LETM1: variants seen among roughly 807,000 people sequenced by gnomAD.
LETM1 encodes mitochondrial proton/calcium exchanger protein.
In LETM1, 50 loss-of-function variants were observed where a neutral mutation model predicts 74.5. That is an observed-to-expected ratio of 0.67 (90% CI 0.53 to 0.85). The LOEUF is 0.85. Among genes scored for constraint, LETM1 ranks in the 40% least tolerant of loss-of-function variants. LETM1 has a pLI of 0.00. For missense variants in LETM1, 824 were observed against 967.8 expected (o/e 0.85, Z 1.97); for synonymous variants, 446 against 407.1 (o/e 1.10, Z -1.15).
intron 10 of LETM1, among the ~76,000 whole-genome samples, chr4:1,820,457 T>C (rs994149382): frequency 2.3e-4 from 35 of 152,188 alleles, no homozygotes; most frequent in African/African-American, 8.2e-4. Flanking sequence ...TATGGTTTTG[T>C]TTTCTGTATT....
intron 2 of LETM1, 112 bp downstream of exon 2, chr4:1,849,037 G>C (rs1238255049): frequency 2.7e-6 from 2 of 743,296 alleles, no homozygotes; most frequent in East Asian, 5.1e-5. Flanking sequence ...ACAAAGAACA[G>C]GAAAGTAGGA....
chr4:1,836,522 G>C lies in LETM1; in HGVS notation c.645C>G (p.Phe215Leu), dbSNP rs753201496. 1 of 1,613,828 alleles carries C rather than the reference G, an allele frequency of 6.2e-7. No individual in the cohort carries two copies. The highest frequency in any genetic ancestry group is 1.7e-5 in the Admixed American group (1 of 59,996). Reference protein sequence around the residue: ...DLFRLVPFLVFVVVPFMEFLL... With the variant: ...DLFRLVPFLVLVVVPFMEFLL... ...GAAACTCCATGAACGGCACCACCAC[G>C]AACACAAGGAACGGCACCAGGCGGA... The change falls in exon 4 of 14, where the codon TTC becomes TTG. Residue 215 changes from phenylalanine (F) to leucine (L), a missense_variant. Coordinates refer to ENST00000302787, the MANE Select transcript of LETM1 (RefSeq NM_012318.3). The surrounding 1 kb of genome is among the most constrained non-coding windows in gnomAD (Gnocchi z 5.8).
rs1285378456 is a variant in LETM1 at position 1,813,354 on chromosome 4, G to A, written c.*1070C>T. On this transcript the variant is annotated 3_prime_UTR_variant, in exon 14 of 14. Coordinates refer to ENST00000302787, the MANE Select transcript of LETM1 (RefSeq NM_012318.3). ...TTAAAAAGATGAGTGTGACACAGCC[G>A]GCTGGGCAGGAGGATGGAGGTGCCA... is the stretch of plus-strand genomic sequence containing the variant. 2.0e-5 allele frequency: 3 copies of A among 152,354 alleles called. No individual in the cohort carries two copies. The highest frequency in any genetic ancestry group is 6.5e-5 in the Admixed American group (1 of 15,286). 9.4% of individuals were successfully genotyped at this position (152,354 alleles called of 1,614,324 possible). A position where few individuals can be genotyped will look rare whatever the true frequency, so the allele number is the denominator to read the frequency against.
At position 1,819,538 on chromosome 4, in the gene LETM1, A is replaced by T; in HGVS notation, c.1609-66T>A. On this transcript the variant is annotated intron_variant, in intron 10 of 13. Transcript: ENST00000302787. ...GAAAGAACTGGCCTGTTCCCAAGTG[A>T]CCAGCTGCTCTGTTCATATTATACG... 4 of 1,541,654 alleles carry T rather than the reference A, an allele frequency of 2.6e-6. No individual in the cohort carries two copies. The South Asian group carries it at 5.0e-5, about 19-fold the overall frequency.
At position 1,814,012 on chromosome 4, in the gene LETM1, C is replaced by T; in HGVS notation, c.*412G>A. The T allele has an allele frequency of 4.5e-6, 1 of 220,262 alleles. No homozygotes were observed. Among genetic ancestry groups the T allele is most frequent in the Non-Finnish European group, 9.2e-6 (1 of 108,702 alleles). 13.6% of individuals were successfully genotyped at this position (220,262 alleles called of 1,614,324 possible). On this transcript the variant is annotated 3_prime_UTR_variant, in exon 14 of 14. Transcript: ENST00000302787. ...CCCTGAGGAGGCCAGGCTGTGTCTC[C>T]TGACGCCCCTGAGGGTGGGCACAGC...
chr4:1,840,158 A>G (rs1220277809), intron 3 of LETM1, among the ~76,000 whole-genome samples: 2 of 152,220 alleles, frequency 1.3e-5, no homozygotes, highest in South Asian at 2.1e-4. Context: ...CAGGTGGATC[A>G]CTTGAGGCCA....
intron 1 of LETM1, among the ~76,000 whole-genome samples, chr4:1,852,813 C>A (rs1011261710): frequency 3.3e-5 from 5 of 152,212 alleles, no homozygotes; most frequent in Non-Finnish European, 7.3e-5. Flanking sequence ...AGCTACTGCA[C>A]TCCAGCCTGG....
intron 2 of LETM1, among the ~76,000 whole-genome samples, chr4:1,842,399 C>T (rs528878534): frequency 2.6e-5 from 4 of 152,308 alleles, no homozygotes; most frequent in Admixed American, 2.0e-4. Flanking sequence ...CCACTCTGTC[C>T]GGCACCAGCA....
chr4:1,846,266 G>A (rs1166559441), intron 2 of LETM1, among the ~76,000 whole-genome samples: 3 of 151,984 alleles, frequency 2.0e-5, no homozygotes, highest in Admixed American at 1.3e-4. Flanking sequence ...AAAAAGTTAC[G>A]TGAATAAAGT....
chr4:1,840,309 G>A (rs902974208), intron 3 of LETM1, among the ~76,000 whole-genome samples: 2 of 152,038 alleles, frequency 1.3e-5, no homozygotes, highest in African/African-American at 4.8e-5. Context: ...CCCAGGAGGC[G>A]GAGGTTGCAG....
In LETM1 at chr4:1,819,446, G is replaced by C. The variant is rs374644730; in HGVS notation, c.1635C>G (p.Ile545Met). ...TAGAGCAGGCATCGCTGAGGATGTC[G>C]ATTTCCTCCTTCGTGATCTCTTCCT... ...LKEEEITKEEIDILSDACSKL... is the reference protein window; with the variant it reads ...LKEEEITKEEMDILSDACSKL... The change falls in exon 11 of 14, where the codon ATC becomes ATG. Residue 545 changes from isoleucine (I) to methionine (M), a missense_variant. Coordinates refer to ENST00000302787, the MANE Select transcript of LETM1 (RefSeq NM_012318.3). 2 of 1,613,190 alleles carry C rather than the reference G, an allele frequency of 1.2e-6. No homozygotes were observed. The highest frequency in any genetic ancestry group is 1.7e-6 in the Non-Finnish European group (2 of 1,179,684).
intron 2 of LETM1, among the ~76,000 whole-genome samples, chr4:1,848,072 A>T (rs1712944257): frequency 6.6e-6 from 1 of 151,998 alleles, no homozygotes; most frequent in Non-Finnish European, 1.5e-5. Flanking sequence ...TTCTTTTCTC[A>T]TCCAAAGTTA....
At chr4:1,828,817 C>CG (rs1712134068) in intron 6 of LETM1, among the ~76,000 whole-genome samples, 1 of 118,962 alleles carries the variant, frequency 8.4e-6, no homozygotes, top group African/African-American at 3.3e-5. Context: ...GGGGGCTGAC[C>CG]CCCCCCACCT....
At chr4:1,815,904 G>A (rs1711556186) in intron 12 of LETM1, 102 bp from the exon 13 acceptor site, 17 of 1,443,336 alleles carry the variant, frequency 1.2e-5, no homozygotes, top group South Asian at 1.1e-4. Flanking sequence ...TGACACAGGC[G>A]GCTCCGCGTG....
intron 6 of LETM1, 69 bp from the exon 7 acceptor site, chr4:1,825,752 C>A: frequency 1.3e-6 from 2 of 1,508,150 alleles, no homozygotes; most frequent in South Asian, 2.4e-5. Context: ...GTGTGAACAC[C>A]CTCCAGAATA....
At chr4:1,849,357 T>C in intron 1 of LETM1, 148 bp from the exon 2 acceptor site, 1 of 622,526 alleles carries the variant, frequency 1.6e-6, no homozygotes, top group Admixed American at 2.3e-5. Flanking sequence ...CTCCACCTCC[T>C]GGGTTTAATT....
At chr4:1,816,678 T>C (rs750598769) in intron 12 of LETM1, 49 bp downstream of exon 12, 2 of 1,557,806 alleles carry the variant, frequency 1.3e-6, no homozygotes, top group Admixed American at 1.8e-5. Context: ...GGGACCAGCC[T>C]CCCTATGTGA....
intron 6 of LETM1, among the ~76,000 whole-genome samples, chr4:1,826,364 C>T (rs966968602): frequency 7.9e-5 from 12 of 152,228 alleles, no homozygotes; most frequent in African/African-American, 2.4e-4. Flanking sequence ...CCAAACTTGA[C>T]GTAACTGTGG....
intron 11 of LETM1, among the ~76,000 whole-genome samples, chr4:1,818,598 G>C (rs1711661318): frequency 6.6e-6 from 1 of 151,584 alleles, no homozygotes; most frequent in African/African-American, 2.4e-5. Context: ...GGGCGACAGA[G>C]CTAGACTTCG....
Sources: gnomAD v4.1 joint callset for allele counts (sites outside exome capture counted in the v4.1 genomes callset) on GRCh38, gnomAD v4.1.1 for gene constraint, Gnocchi (gnomAD v3.1) non-coding constraint, MANE v1.5 for transcripts, NCBI Gene and HGNC (gene_info 2026-07-23, HGNC 2026-07-21) for gene names.